The following KCNK13 variants were observed in gnomAD, a reference collection of about 807,000 sequenced individuals.
The protein encoded by KCNK13 is potassium two pore domain channel subfamily K member 13.
KCNK13 carries 12 observed loss-of-function variants against 23.4 expected under a neutral mutation model. That is an observed-to-expected ratio of 0.51 (90% CI 0.33 to 0.83). The LOEUF (loss-of-function observed/expected upper bound fraction) is 0.83, where lower values mean the gene tolerates loss of function less well. KCNK13 is among the 40% of genes least tolerant of loss of function. The pLI is 0.02. For missense variants in KCNK13, 463 were observed against 556.3 expected (o/e 0.83, Z 1.69); for synonymous variants, 231 against 229.5 (o/e 1.01, Z -0.06).
intron 1 of KCNK13, among the ~76,000 whole-genome samples, chr14:90,118,093 T>C (rs1306875760): frequency 1.3e-5 from 2 of 152,130 alleles, no homozygotes; most frequent in African/African-American, 4.8e-5. Context: ...AAGCAGTGCC[T>C]CCCCAAATAA....
chr14:90,175,394 A>G (rs1170027134), intron 1 of KCNK13, among the ~76,000 whole-genome samples: 1 of 152,186 alleles, frequency 6.6e-6, no homozygotes, highest in Non-Finnish European at 1.5e-5. Flanking sequence ...AAGCAGCCAA[A>G]TATTTATCAA....
chr14:90,179,217 G>A (rs1890458168), intron 1 of KCNK13, among the ~76,000 whole-genome samples: 1 of 152,138 alleles, frequency 6.6e-6, no homozygotes, highest in Non-Finnish European at 1.5e-5. Flanking sequence ...GGTGGGATGG[G>A]AGAAGCATGG....
At chr14:90,104,099 A>T (rs1404753158) in intron 1 of KCNK13, among the ~76,000 whole-genome samples, 3 of 151,654 alleles carry the variant, frequency 2.0e-5, no homozygotes. Context: ...TTCTCTCCTG[A>T]TCTTACCCTT....
intron 1 of KCNK13, among the ~76,000 whole-genome samples, chr14:90,075,219 C>G (rs1889121006): frequency 6.6e-6 from 1 of 152,122 alleles, no homozygotes; most frequent in Non-Finnish European, 1.5e-5. Context: ...CATATCTAAA[C>G]TATCTGAGGA....
At chr14:90,174,173 G>A (rs537266614) in intron 1 of KCNK13, among the ~76,000 whole-genome samples, 1 of 152,140 alleles carries the variant, frequency 6.6e-6, no homozygotes, top group South Asian at 2.1e-4. Context: ...AGCCGGGTGT[G>A]GTGGTGGGCA....
chr14:90,110,034 T>C (rs956325726), intron 1 of KCNK13, among the ~76,000 whole-genome samples: 8 of 152,060 alleles, frequency 5.3e-5, no homozygotes, highest in African/African-American at 1.9e-4. Flanking sequence ...GTGCTGGACA[T>C]GTAACAGCCC....
intron 1 of KCNK13, among the ~76,000 whole-genome samples, chr14:90,100,401 A>G (rs945822253): frequency 1.3e-5 from 2 of 152,128 alleles, no homozygotes; most frequent in African/African-American, 4.8e-5. Context: ...ATTACGTTCA[A>G]CAAGCTACTT....
chr14:90,063,059 A>G (rs2140384224), intron 1 of KCNK13, among the ~76,000 whole-genome samples: 1 of 152,248 alleles, frequency 6.6e-6, no homozygotes, highest in Admixed American at 6.5e-5. Context: ...CAAAAGTGCC[A>G]ATGACGGTTC....
At chr14:90,113,095 T>G (rs1889634966) in intron 1 of KCNK13, among the ~76,000 whole-genome samples, 1 of 151,996 alleles carries the variant, frequency 6.6e-6, no homozygotes, top group South Asian at 2.1e-4. Context: ...TTATATTTTT[T>G]GTAGAGACAG....
At chr14:90,126,919 A>G (rs1303648549) in intron 1 of KCNK13, among the ~76,000 whole-genome samples, 1 of 152,170 alleles carries the variant, frequency 6.6e-6, no homozygotes, top group Non-Finnish European at 1.5e-5. Flanking sequence ...CAGTACATCA[A>G]GATTGTCAAG....
chr14:90,175,107 T>C (rs1197671470), intron 1 of KCNK13, among the ~76,000 whole-genome samples: 1 of 152,160 alleles, frequency 6.6e-6, no homozygotes, highest in East Asian at 1.9e-4. Context: ...GATGTTATCT[T>C]TAGTTTCTAT....
intron 1 of KCNK13, among the ~76,000 whole-genome samples, chr14:90,097,306 A>G (rs900009778): frequency 1.3e-5 from 2 of 152,110 alleles, no homozygotes; most frequent in Admixed American, 6.6e-5. Context: ...GCATCTTAAC[A>G]TGGTGAAGGT....
intron 1 of KCNK13, among the ~76,000 whole-genome samples, chr14:90,098,190 G>A (rs547802912): frequency 3.7e-4 from 56 of 152,198 alleles, no homozygotes; most frequent in African/African-American, 1.3e-3. Flanking sequence ...GTACCACGGG[G>A]GCCACACATC....
intron 1 of KCNK13, among the ~76,000 whole-genome samples, chr14:90,097,440 A>T (rs1189549281): frequency 6.6e-6 from 1 of 152,104 alleles, no homozygotes; most frequent in African/African-American, 2.4e-5. Context: ...AACTCACTCA[A>T]TGCCACAAGA....
At chr14:90,067,397 A>G (rs1596762798) in intron 1 of KCNK13, among the ~76,000 whole-genome samples, 1 of 152,224 alleles carries the variant, frequency 6.6e-6, no homozygotes, top group Admixed American at 6.5e-5. Context: ...TATATGAGGT[A>G]CTTAGAATAG....
chr14:90,151,104 A>C (rs1293375341), intron 1 of KCNK13, among the ~76,000 whole-genome samples: 1 of 152,126 alleles, frequency 6.6e-6, no homozygotes, highest in East Asian at 1.9e-4. Context: ...AGCCAAGCAA[A>C]TGCCTGTATA....
chr14:90,161,074 C>A (rs1014705589), intron 1 of KCNK13, among the ~76,000 whole-genome samples: 47 of 151,964 alleles, frequency 3.1e-4, no homozygotes, highest in African/African-American at 1.1e-3. Context: ...AATGGATAAA[C>A]AAAATGTGGT....
At chr14:90,163,776 G>A (rs1477675314) in intron 1 of KCNK13, among the ~76,000 whole-genome samples, 13 of 152,222 alleles carry the variant, frequency 8.5e-5, no homozygotes, top group African/African-American at 2.4e-4. Context: ...TGCAGCCTCC[G>A]CCTCCTGGGT....
chr14:90,106,180 G>A (rs76184726), intron 1 of KCNK13, among the ~76,000 whole-genome samples: 1,672 of 152,234 alleles, frequency 0.011, 24 homozygotes, highest in African/African-American at 0.037. Flanking sequence ...TTAGGAGCTC[G>A]GTGCCATAAG....
Sources: gnomAD v4.1 joint callset for allele counts (sites outside exome capture counted in the v4.1 genomes callset) on GRCh38, gnomAD v4.1.1 for gene constraint, MANE v1.5 for transcripts, NCBI Gene and HGNC (gene_info 2026-07-23, HGNC 2026-07-21) for gene names.